The following FAM153A variants were observed in gnomAD, a reference collection of about 807,000 sequenced individuals.
FAM153A encodes the protein protein FAM153A.
In FAM153A, 12 loss-of-function variants were observed where a neutral mutation model predicts 48.1. That is an observed-to-expected ratio of 0.25 (90% confidence interval 0.16 to 0.40). The LOEUF is 0.40. FAM153A is among the 10% of genes least tolerant of loss of function. FAM153A has a pLI of 1.00. For synonymous variants in FAM153A, 36 were observed against 118.2 expected (o/e 0.30, Z 4.51); for missense variants, 111 against 345.8 (o/e 0.32, Z 5.38).
chr5:177,695,956 C>T, the FAM153A span, among the ~76,000 whole-genome samples: 20 of 81,028 alleles, frequency 2.5e-4, no homozygotes, highest in South Asian at 1.6e-3. Context: ...GACGGGGTGG[C>T]GGCTGGGCAG....
At chr5:177,707,988 T>C (rs144330567), downstream of FAM153A, 3,536 of 151,942 alleles carry the variant, frequency 0.023, 191 homozygotes, top group African/African-American at 0.081. Context: ...ACATTTATTA[T>C]GCCAGATAAC....
At chr5:177,761,045 G>A (rs1235150900) in intron 1 of FAM153A, among the ~76,000 whole-genome samples, 6 of 151,742 alleles carry the variant, frequency 4.0e-5, no homozygotes, top group East Asian at 1.9e-4. Flanking sequence ...CTTATGAAGC[G>A]GGACTGAATC....
chr5:177,701,911 CTTTT>C, the FAM153A span, among the ~76,000 whole-genome samples: 1 of 144,480 alleles, frequency 6.9e-6, no homozygotes. Context: ...GCAAAGGTCA[CTTTT>C]TTTTTTTTTT....
intron 25 of FAM153A, among the ~76,000 whole-genome samples, chr5:177,716,026 C>T (rs1759701212): frequency 6.7e-6 from 1 of 150,088 alleles, no homozygotes; most frequent in Non-Finnish European, 1.5e-5. Context: ...GCTCTGTTGC[C>T]AGGCTGGAGT....
chr5:177,694,922 T>A, the FAM153A span, among the ~76,000 whole-genome samples: 1 of 151,876 alleles, frequency 6.6e-6, no homozygotes, highest in Non-Finnish European at 1.5e-5. Context: ...ATTTTGTAAT[T>A]TTAGGTTTTT....
intron 10 of FAM153A, among the ~76,000 whole-genome samples, chr5:177,738,303 C>G (rs1487136504): frequency 4.6e-5 from 7 of 151,330 alleles, no homozygotes; most frequent in Non-Finnish European, 1.0e-4. Flanking sequence ...TGCTTTGGAT[C>G]AGGAGATGAG....
rs143733594 is a variant in FAM153A, at chr5:177,736,582, C to T, written c.661G>A (p.Glu221Lys). Residue 221 changes from glutamate to lysine, a missense_variant, in exon 12 of 21, where the codon GAA (glutamate) becomes AAA (lysine). Glu to Lys is a moderately conservative substitution (Grantham distance 56). Coordinates refer to ENST00000614127, the Ensembl canonical transcript of FAM153A. ...GAGATGATCCCAGAATACGTACATT[C>T]GGCCAGTGTGTCTGGGTCCCCCTCC... The T allele has an allele frequency of 3.9e-5, 58 of 1,489,318 alleles. 2 individuals are homozygous for T. The highest frequency in any genetic ancestry group is 5.9e-5 in the Admixed American group (3 of 50,442). The allele number at this position is 1,489,318 out of a possible 1,614,324, so 92.3% of individuals were successfully genotyped here.
chr5:177,716,327 GA>G (rs1217510128), intron 25 of FAM153A: 1 of 151,908 alleles, frequency 6.6e-6, no homozygotes, highest in Non-Finnish European at 1.5e-5. Flanking sequence ...TGGGTCATCA[GA>G]AATTGTTTTT....
intron 25 of FAM153A, among the ~76,000 whole-genome samples, chr5:177,715,379 A>C (rs188909065): frequency 0.042 from 6,322 of 150,432 alleles, 391 homozygotes; most frequent in African/African-American, 0.12. Context: ...GTCACTCAAT[A>C]AGATAAGAAA....
rs1380714292 is a variant in FAM153A, at chr5:177,769,860, C to G, written c.-57+10589G>C. Among the ~76,000 whole-genome samples the G allele has an allele frequency of 2.1e-5, 2 of 97,136 alleles. 1 individual carries two copies. Among genetic ancestry groups the G allele is most frequent in the Non-Finnish European group, 4.3e-5 (2 of 46,924 alleles). The allele number at this position is 97,136 out of a possible 152,430, so 63.7% of individuals were successfully genotyped here. ...CATTCAGAGAGAAGCTTAAGAAACA[C>G]CGGCGTGGTGTGCCAGGCTGCCAGG... On this transcript the variant is annotated intron_variant, in intron 1 of 8. Transcript: ENST00000393518.
chr5:177,768,825 G>T (rs549232736), intron 1 of FAM153A, among the ~76,000 whole-genome samples: 8 of 112,562 alleles, frequency 7.1e-5, no homozygotes, highest in Non-Finnish European at 1.3e-4. Context: ...GTCTCCTCCT[G>T]TACCCTGCCG....
chr5:177,781,240 G>A (rs1769616872), upstream of FAM153A, among the ~76,000 whole-genome samples: 2 of 117,360 alleles, frequency 1.7e-5, no homozygotes, highest in Non-Finnish European at 3.4e-5. Flanking sequence ...CTGGGACTAT[G>A]GGCGCCCACC....
At position 177,730,346 on chromosome 5, in the gene FAM153A, A is replaced by G. The variant is rs1228193109; in HGVS notation, c.863-791T>C. On this transcript the variant is annotated intron_variant, in intron 16 of 20. Transcript: ENST00000614127. ...TTGAGCCTTGAGATTTTTTTATTGG[A>G]TGCTATGTCTTGGGATTGGGTTCCA... 8.2e-5 allele frequency among the ~76,000 whole-genome samples: 10 copies of G among 121,574 alleles called. 2 individuals carry two copies. The highest frequency in any genetic ancestry group is 1.7e-4 in the Non-Finnish European group (9 of 53,452). The allele number at this position is 121,574 out of a possible 152,430, so 79.8% of individuals were successfully genotyped here.
downstream of FAM153A, among the ~76,000 whole-genome samples, chr5:177,703,635 C>T (rs1347829526): frequency 1.3e-4 from 18 of 133,784 alleles, no homozygotes; most frequent in African/African-American, 4.4e-4. Flanking sequence ...ACCATGGAGG[C>T]GGTTTCTCTG....
chr5:177,738,864 C>T (rs1399237364), intron 10 of FAM153A, among the ~76,000 whole-genome samples: 1 of 151,580 alleles, frequency 6.6e-6, no homozygotes, highest in African/African-American at 2.4e-5. Context: ...TATACATAGA[C>T]TCTCTTCTTA....
At chr5:177,728,814 G>A (rs1420607358) in intron 18 of FAM153A, among the ~76,000 whole-genome samples, 13 of 149,064 alleles carry the variant, frequency 8.7e-5, no homozygotes, top group African/African-American at 1.5e-4. Context: ...TGATCCGCCC[G>A]TCTCCGCCTC....
chr5:177,709,612 C>T (rs1258963663), downstream of FAM153A, among the ~76,000 whole-genome samples: 25 of 147,590 alleles, frequency 1.7e-4, no homozygotes, highest in Non-Finnish European at 3.6e-4. Context: ...TCACCCGCCT[C>T]GGCCTCCCAA....
At chr5:177,699,360 T>C in the FAM153A span, among the ~76,000 whole-genome samples, 1 of 150,918 alleles carries the variant, frequency 6.6e-6, no homozygotes, top group East Asian at 2.0e-4. Flanking sequence ...ATAAATGAAA[T>C]AGAGGTAGAA....
chr5:177,700,631 G>A, the FAM153A span, among the ~76,000 whole-genome samples: 11 of 151,848 alleles, frequency 7.2e-5, 1 homozygote, highest in Admixed American at 5.2e-4. Context: ...GTGAAATGCC[G>A]TCTCTACTAA....
Sources: allele counts gnomAD v4.1 joint callset (sites outside exome capture counted in the v4.1 genomes callset), GRCh38; gene constraint gnomAD v4.1.1; transcripts MANE v1.5; gene names NCBI Gene and HGNC (gene_info 2026-07-23, HGNC 2026-07-21).